STAU2: variants seen among roughly 807,000 people sequenced by gnomAD.
The protein encoded by STAU2 is double-stranded RNA-binding protein Staufen homolog 2.
A neutral mutation model predicts 65.9 loss-of-function variants in STAU2; 20 were observed. The observed-to-expected ratio is 0.30, with a 90% CI of 0.21 to 0.44. The LOEUF (loss-of-function observed/expected upper bound fraction) is 0.44. Among genes scored for constraint, STAU2 ranks in the 20% least tolerant of loss-of-function variants. The probability of loss-of-function intolerance (pLI) is 1.00; values close to 1 mark genes in which losing one functional copy is unlikely to be tolerated. For missense variants in STAU2, 558 were observed against 683.9 expected, an observed-to-expected ratio of 0.82 and a Z score of 2.05; for synonymous variants, 232 against 233.9, an observed-to-expected ratio of 0.99 and a Z score of 0.07.
Position 73,617,230 on chromosome 8 carries a change from G to A in STAU2, c.570+62C>T, listed in dbSNP as rs1586131051. On this transcript the variant is annotated intron_variant, in intron 7 of 14. Transcript: ENST00000524300. ...AGATTATTTATTTTAATTATAAAAT[G>A]CTCTGATTTGTTTCACTGGGAAAGT... is the stretch of plus-strand genomic sequence containing the variant. The A allele has an allele frequency of 1.7e-5, 26 of 1,561,286 alleles. 1 individual carries two copies. In the East Asian group the frequency reaches 5.8e-4, roughly 35 times the overall value.
At chr8:73,730,604 G>A (rs959367898) in intron 3 of STAU2, among the ~76,000 whole-genome samples, 1 of 151,894 alleles carries the variant, frequency 6.6e-6, no homozygotes, top group East Asian at 1.9e-4. Context: ...GTGGACACCT[G>A]TAATCCTAGC....
chr8:73,602,921 A>G (rs1811744479), intron 10 of STAU2, among the ~76,000 whole-genome samples: 1 of 152,144 alleles, frequency 6.6e-6, no homozygotes, highest in Non-Finnish European at 1.5e-5. Context: ...TACTTCAGTA[A>G]AAGAAGAGAG....
chr8:73,477,776 T>G (rs1163605704), intron 13 of STAU2, among the ~76,000 whole-genome samples: 2 of 152,194 alleles, frequency 1.3e-5, no homozygotes, highest in Non-Finnish European at 2.9e-5. Flanking sequence ...TCTAGGTTTC[T>G]GCATTAGGCA....
chr8:73,518,125 T>C (rs921674454), intron 13 of STAU2, among the ~76,000 whole-genome samples: 1 of 152,244 alleles, frequency 6.6e-6, no homozygotes, highest in Admixed American at 6.5e-5. Context: ...AGGCAAACTT[T>C]CTTTTAACAC....
chr8:73,441,728 G>A (rs1019252121), intron 13 of STAU2, among the ~76,000 whole-genome samples: 10 of 152,266 alleles, frequency 6.6e-5, no homozygotes, highest in Non-Finnish European at 1.2e-4. Flanking sequence ...TATTTCGCCC[G>A]TTTATTGAAA....
At chr8:73,452,736 G>C (rs1048782175) in intron 13 of STAU2, among the ~76,000 whole-genome samples, 1 of 152,128 alleles carries the variant, frequency 6.6e-6, no homozygotes, top group East Asian at 1.9e-4. Flanking sequence ...TCTTTTAGTT[G>C]GGCATTGCTT....
intron 11 of STAU2, among the ~76,000 whole-genome samples, chr8:73,587,920 GTATTA>G (rs1378460122): frequency 6.6e-6 from 1 of 151,954 alleles, no homozygotes; most frequent in Non-Finnish European, 1.5e-5. Flanking sequence ...TTTTATATAT[GTATTA>G]TTTTGAGTAT....
intron 13 of STAU2, among the ~76,000 whole-genome samples, chr8:73,508,623 C>A (rs1033270565): frequency 6.6e-6 from 1 of 152,142 alleles, no homozygotes; most frequent in Non-Finnish European, 1.5e-5. Context: ...TGCTGATAGA[C>A]GCTCGACATA....
At chr8:73,638,065 A>G (rs990153197) in intron 6 of STAU2, among the ~76,000 whole-genome samples, 6 of 152,256 alleles carry the variant, frequency 3.9e-5, no homozygotes, top group African/African-American at 1.4e-4. Context: ...TTCTTAAAGT[A>G]AATACATATA....
upstream of STAU2, chr8:73,746,891 G>A (rs1179702602): frequency 2.1e-5 from 13 of 605,966 alleles, no homozygotes; most frequent in African/African-American, 2.9e-5. Context: ...CCCGCCCCCC[G>A]CCTCCGCCCG....
Position 73,739,865 on chromosome 8 carries a change from G to T in STAU2, c.-193C>A. 2 of 1,089,108 alleles carry T rather than the reference G, an allele frequency of 1.8e-6. No individual in the cohort carries two copies. The highest frequency in any genetic ancestry group is 2.7e-6 in the Non-Finnish European group (2 of 741,062). The allele number at this position is 1,089,108 out of a possible 1,614,324, so 67.5% of individuals were successfully genotyped here. A position where few individuals can be genotyped will look rare whatever the true frequency, so the allele number is the denominator to read the frequency against. On this transcript the variant is annotated 5_prime_UTR_variant, in exon 2 of 15. The change creates a new upstream start codon in the 5' untranslated region. Transcript: ENST00000524300. The stretch of plus-strand genomic sequence containing the variant: ...TAAGCTAAAGTCCTTGTGGTAGGCA[G>T]CCTCTAACAAATAGAATATAGCAGA...
chr8:73,451,323 T>C (rs376792515), intron 13 of STAU2, among the ~76,000 whole-genome samples: 7 of 152,120 alleles, frequency 4.6e-5, no homozygotes, highest in South Asian at 4.2e-4. Flanking sequence ...TACATCCAGA[T>C]GTGAAAAGCT....
chr8:73,742,644 A>G (rs1336194777), intron 1 of STAU2, among the ~76,000 whole-genome samples: 3 of 152,006 alleles, frequency 2.0e-5, no homozygotes, highest in Non-Finnish European at 4.4e-5. Flanking sequence ...ATGCGTCCCA[A>G]AAATGCCCTA....
chr8:73,424,000 T>C (rs1049607075), intron 13 of STAU2, among the ~76,000 whole-genome samples: 31 of 152,074 alleles, frequency 2.0e-4, no homozygotes, highest in African/African-American at 7.3e-4. Context: ...CATTAGAGTA[T>C]CATATAAAAT....
chr8:73,678,792 TGTA>T (rs1818191041), intron 5 of STAU2, among the ~76,000 whole-genome samples: 1 of 152,228 alleles, frequency 6.6e-6, no homozygotes, highest in African/African-American at 2.4e-5. Flanking sequence ...TTTTTTCTAT[TGTA>T]ATAATATTTT....
At chr8:73,434,587 C>T (rs1218700895) in intron 13 of STAU2, among the ~76,000 whole-genome samples, 1 of 151,878 alleles carries the variant, frequency 6.6e-6, no homozygotes, top group African/African-American at 2.4e-5. Flanking sequence ...CTCTGAGCCT[C>T]TTTTTCATCA....
At chr8:73,633,778 C>T (rs1255294218) in intron 6 of STAU2, among the ~76,000 whole-genome samples, 1 of 152,110 alleles carries the variant, frequency 6.6e-6, no homozygotes, top group Non-Finnish European at 1.5e-5. Flanking sequence ...GCCAGGAGTT[C>T]AAGACCAGTC....
In STAU2 at chr8:73,617,388, A is replaced by C. The variant is rs756810995; in HGVS notation, c.474T>G (p.Phe158Leu). 7.1e-5 allele frequency: 115 copies of C among 1,614,106 alleles called. No homozygotes were observed. The highest frequency in any genetic ancestry group is 1.7e-4 in the Middle Eastern group (1 of 6,060). ...VQLTVGNNEF[F>L]GEGKTRQAAR... ...CAGCTTGTCGAGTCTTTCCTTCCCCAAAAAATTCATTATTTCCTACAGTGA... is the reference window on the plus strand; with the variant it reads ...CAGCTTGTCGAGTCTTTCCTTCCCCCAAAAATTCATTATTTCCTACAGTGA... Residue 158 changes from phenylalanine (F) to leucine (L), a missense_variant, in exon 7 of 15, where the codon TTT becomes TTG. Coordinates refer to ENST00000524300, the MANE Select transcript of STAU2 (RefSeq NM_001164380.2).
intron 12 of STAU2, among the ~76,000 whole-genome samples, chr8:73,562,874 G>A (rs1808329599): frequency 6.6e-6 from 1 of 152,042 alleles, no homozygotes; most frequent in African/African-American, 2.4e-5. Flanking sequence ...ACTTTGGAAG[G>A]CTAAGGCAAA....
Sources: gnomAD v4.1 joint callset for allele counts (sites outside exome capture counted in the v4.1 genomes callset) on GRCh38, gnomAD v4.1.1 for gene constraint, MANE v1.5 for transcripts, NCBI Gene and HGNC (gene_info 2026-07-23, HGNC 2026-07-21) for gene names.